The following CDH12 variants were observed in gnomAD, a reference collection of about 807,000 sequenced individuals.
CDH12 encodes the protein cadherin 12.
CDH12 carries 41 observed loss-of-function variants against 74.1 expected under a neutral mutation model. That is an observed-to-expected ratio of 0.55 (90% CI 0.43 to 0.72). CDH12 has a LOEUF of 0.72. CDH12 is among the 30% of genes least tolerant of loss of function. The pLI, the probability that CDH12 is intolerant of heterozygous loss-of-function variation, is 0.00. For synonymous variants in CDH12, 399 were observed against 355.0 expected, an observed-to-expected ratio of 1.12 and a Z score of -1.39; for missense variants, 945 against 977.2, an observed-to-expected ratio of 0.97 and a Z score of 0.44.
At chr5:22,160,646 G>A (rs1198113493) in intron 4 of CDH12, among the ~76,000 whole-genome samples, 2 of 152,174 alleles carry the variant, frequency 1.3e-5, no homozygotes, top group African/African-American at 4.8e-5. Flanking sequence ...TCAGGGTGCT[G>A]GCTGATTTAG....
At chr5:22,059,326 GTCTA>G (rs1316798156) in intron 5 of CDH12, among the ~76,000 whole-genome samples, 24 of 139,008 alleles carry the variant, frequency 1.7e-4, no homozygotes, top group Admixed American at 7.2e-4. Flanking sequence ...TCCATCTATC[GTCTA>G]TCTATCATCT....
Position 22,504,521 on chromosome 5 carries a change from A to G in CDH12, c.-428+749T>C, listed in dbSNP as rs555152594. ...CTTGTCTTTCTGAGTTGTTATATCA[A>G]TGGTTAATCTTAACTGATCTCTGAT... is the stretch of plus-strand genomic sequence containing the variant. On this transcript the variant is annotated intron_variant, in intron 2 of 14. Transcript: ENST00000382254. Among the ~76,000 whole-genome samples, 12 of 152,200 alleles carry G rather than the reference A, an allele frequency of 7.9e-5. No homozygotes were observed. The South Asian group carries it at 1.9e-3, about 24-fold the overall frequency.
intron 3 of CDH12, among the ~76,000 whole-genome samples, chr5:22,232,620 C>G (rs1752421722): frequency 6.6e-6 from 1 of 151,186 alleles, no homozygotes; most frequent in African/African-American, 2.4e-5. Context: ...TGGTACTAGA[C>G]AAGATTATTT....
intron 1 of CDH12, among the ~76,000 whole-genome samples, chr5:22,700,581 G>T (rs565308904): frequency 1.3e-5 from 2 of 152,156 alleles, no homozygotes; most frequent in South Asian, 2.1e-4. Flanking sequence ...AGCAGAAACC[G>T]TGATAAGAAA....
chr5:21,767,922 T>G (rs1745116114), intron 11 of CDH12, among the ~76,000 whole-genome samples: 1 of 151,694 alleles, frequency 6.6e-6, no homozygotes, highest in African/African-American at 2.4e-5. Context: ...TTAATTTATA[T>G]AGAGATATAT....
At chr5:22,372,998 C>T (rs1741363399) in intron 3 of CDH12, among the ~76,000 whole-genome samples, 2 of 152,242 alleles carry the variant, frequency 1.3e-5, no homozygotes, top group South Asian at 4.1e-4. Context: ...GGAGGCAGAT[C>T]CCTAGGGCAG....
At chr5:22,778,421 G>A (rs745374962) in intron 1 of CDH12, among the ~76,000 whole-genome samples, 1 of 152,134 alleles carries the variant, frequency 6.6e-6, no homozygotes, top group African/African-American at 2.4e-5. Context: ...GGAAAGAGCT[G>A]AGACAATTCT....
At chr5:22,669,759 C>T (rs1246927548) in intron 1 of CDH12, among the ~76,000 whole-genome samples, 1 of 152,208 alleles carries the variant, frequency 6.6e-6, no homozygotes, top group Non-Finnish European at 1.5e-5. Context: ...GATCACCACA[C>T]ACTTCCAAAT....
intron 9 of CDH12, among the ~76,000 whole-genome samples, chr5:21,809,119 G>A (rs1382391380): frequency 6.6e-6 from 1 of 151,848 alleles, no homozygotes; most frequent in Admixed American, 6.6e-5. Flanking sequence ...TTTTTCTGTG[G>A]ACAAGTTATT....
chr5:22,851,831 T>G (rs1737569302), intron 1 of CDH12, among the ~76,000 whole-genome samples: 1 of 152,142 alleles, frequency 6.6e-6, no homozygotes, highest in Non-Finnish European at 1.5e-5. Context: ...TAAAAATATA[T>G]AAGATGATAT....
intron 3 of CDH12, among the ~76,000 whole-genome samples, chr5:22,369,437 T>C (rs766014402): frequency 3.3e-5 from 5 of 152,092 alleles, no homozygotes; most frequent in Non-Finnish European, 4.4e-5. Flanking sequence ...GGCATAAAAG[T>C]GTCACCCAAA....
intron 3 of CDH12, among the ~76,000 whole-genome samples, chr5:22,335,595 A>AAAAAAAC (rs1554032822): frequency 6.6e-6 from 1 of 151,788 alleles, no homozygotes; most frequent in African/African-American, 2.4e-5. Context: ...AAAAGAAAAA[A>AAAAAAAC]AAAAACAAAA....
intron 1 of CDH12, among the ~76,000 whole-genome samples, chr5:22,706,600 G>A (rs577490064): frequency 2.0e-5 from 3 of 151,820 alleles, no homozygotes; most frequent in South Asian, 2.1e-4. Flanking sequence ...CTCAATTAGA[G>A]AGTATATAAT....
intron 1 of CDH12, among the ~76,000 whole-genome samples, chr5:22,544,528 C>T (rs186113452): frequency 1.3e-5 from 2 of 152,180 alleles, no homozygotes; most frequent in East Asian, 3.9e-4. Context: ...ATTAAAAATG[C>T]TCTGTTGCCA....
chr5:22,719,047 A>G (rs1288077680), intron 1 of CDH12, among the ~76,000 whole-genome samples: 1 of 152,122 alleles, frequency 6.6e-6, no homozygotes. Flanking sequence ...GGTTGTGAGG[A>G]GCCCCAAATT....
chr5:22,410,644 T>C (rs1743134800), intron 2 of CDH12, among the ~76,000 whole-genome samples: 1 of 152,142 alleles, frequency 6.6e-6, no homozygotes, highest in Non-Finnish European at 1.5e-5. Context: ...TTTGCATGTT[T>C]TTTCTCTAAT....
At chr5:22,343,353 G>C (rs1001543743) in intron 3 of CDH12, among the ~76,000 whole-genome samples, 2 of 145,584 alleles carry the variant, frequency 1.4e-5, no homozygotes, top group Admixed American at 1.3e-4. Flanking sequence ...GAGAGAGAGA[G>C]AGAGAGAGAG....
chr5:22,275,705 T>G (rs1736603674), intron 3 of CDH12, among the ~76,000 whole-genome samples: 1 of 152,198 alleles, frequency 6.6e-6, no homozygotes, highest in Non-Finnish European at 1.5e-5. Context: ...GTAGAGTAAC[T>G]GAAAAGTATT....
intron 4 of CDH12, among the ~76,000 whole-genome samples, chr5:22,128,379 GA>G (rs1745997529): frequency 6.6e-6 from 1 of 151,748 alleles, no homozygotes; most frequent in African/African-American, 2.4e-5. Flanking sequence ...GTCATCCAAA[GA>G]AAATATAATC....
Sources: gnomAD v4.1 joint callset for allele counts (sites outside exome capture counted in the v4.1 genomes callset) on GRCh38, gnomAD v4.1.1 for gene constraint, MANE v1.5 for transcripts, NCBI Gene and HGNC (gene_info 2026-07-23, HGNC 2026-07-21) for gene names.